CRB3: variants seen among roughly 807,000 people sequenced by gnomAD.
CRB3 encodes crumbs cell polarity complex component 3.
In CRB3, 4 loss-of-function variants were observed where a neutral mutation model predicts 10.4. That is an observed-to-expected ratio of 0.39 (90% CI 0.19 to 0.88). The LOEUF is 0.88. Ranked by LOEUF, CRB3 falls within the 40% of genes least tolerant of loss-of-function variation. The pLI is 0.39. For synonymous variants in CRB3, 74 were observed against 73.4 expected (o/e 1.01, Z -0.04); for missense variants, 154 against 160.2 (o/e 0.96, Z 0.21).
intron 3 of CRB3, 127 bp downstream of exon 3, chr19:6,465,745 C>A: frequency 1.2e-6 from 1 of 810,354 alleles, no homozygotes. Context: ...CTTTGGAGAG[C>A]TCTAAGTAGG....
Position 6,466,560 on chromosome 19 carries a change from G to C in CRB3, c.251G>C (p.Arg84Pro). ...VGLALLVRKL[R>P]EKRQTEGTYR... ...CTGGCACTGTTGGTGCGGAAGCTTC[G>C]GGAGAAGCGGCAGACGGAGGGCACC... is the stretch of plus-strand genomic sequence containing the variant. Residue 84 changes from arginine to proline, a missense_variant, in exon 4 of 4, where the codon CGG (arginine) becomes CCG (proline). By Grantham distance (103) the Arg-to-Pro change is moderately radical. Coordinates refer to ENST00000600229, the MANE Select transcript of CRB3 (RefSeq NM_139161.5). This position sits in a 1 kb window ranked among gnomAD's most constrained non-coding sequence, Gnocchi z 4.9. 1 of 1,612,110 alleles carries C rather than the reference G, an allele frequency of 6.2e-7. No homozygotes were observed. The highest frequency in any genetic ancestry group is 8.5e-7 in the Non-Finnish European group (1 of 1,180,004).
chr19:6,465,968 A>AG (rs1203062771), intron 3 of CRB3, among the ~76,000 whole-genome samples: 1 of 152,072 alleles, frequency 6.6e-6, no homozygotes, highest in Non-Finnish European at 1.5e-5. Context: ...TGGGAGGCCG[A>AG]GGCAGGAAAA....
At position 6,466,360 on chromosome 19, in the gene CRB3, T is replaced by G. The variant is rs2092794228; in HGVS notation, c.157-106T>G. On this transcript the variant is annotated intron_variant, in intron 3 of 3. Coordinates refer to ENST00000600229, the MANE Select transcript of CRB3 (RefSeq NM_139161.5). This position sits in a 1 kb window ranked among gnomAD's most constrained non-coding sequence, Gnocchi z 4.9. ...ACCAAAAGTGGCAGATGTGTGTATG[T>G]GTGTGTGTGTGTTGTGGGGTAGGGG... The G allele has an allele frequency of 3.4e-6, 3 of 885,664 alleles. No individual in the cohort carries two copies. Among genetic ancestry groups the G allele is most frequent in the African/African-American group, 3.3e-5 (2 of 60,614 alleles). 54.9% of individuals were successfully genotyped at this position (885,664 alleles called of 1,614,324 possible).
chr19:6,466,617 C>T lies in CRB3; in HGVS notation c.308C>T (p.Ala103Val), dbSNP rs2092795899. The part of the protein sequence containing the change: ...YRPSSEEQVG[A>V]RVPPTPNLKL... ...CCCAGTAGCGAGGAGCAGGTGGGTG[C>T]CCGCGTGCCACCGACCCCCAACCTC... Residue 103 changes from alanine (A) to valine (V), a missense_variant, in exon 4 of 4, where the codon GCC becomes GTC. Transcript: ENST00000600229. The surrounding 1 kb of genome is among the most constrained non-coding windows in gnomAD (Gnocchi z 4.9). 1 of 1,604,976 alleles carries T rather than the reference C, an allele frequency of 6.2e-7. No homozygotes were observed. The highest frequency in any genetic ancestry group is 1.3e-5 in the African/African-American group (1 of 74,992).
At chr19:6,465,919 G>A (rs1261348241) in intron 3 of CRB3, among the ~76,000 whole-genome samples, 1 of 152,202 alleles carries the variant, frequency 6.6e-6, no homozygotes, top group Non-Finnish European at 1.5e-5. Context: ...CAGGAGTCCC[G>A]GCCGGGCGCG....
chr19:6,465,224 G>C lies in CRB3; in HGVS notation c.83-321G>C, dbSNP rs2092788379. 1.9e-5 allele frequency: 7 copies of C among 364,354 alleles called. No individual in the cohort carries two copies. In the South Asian group the frequency reaches 3.6e-4, roughly 19 times the overall value. 22.6% of individuals were successfully genotyped at this position (364,354 alleles called of 1,614,324 possible). Reference sequence around the variant, plus strand: ...GTTTTGGGAGCCTGTGGGGAGGTGTGAGTCAGACACTCCAGGGAAAAGCTA... The same window carrying C: ...GTTTTGGGAGCCTGTGGGGAGGTGTCAGTCAGACACTCCAGGGAAAAGCTA... On this transcript the variant is annotated intron_variant, in intron 2 of 3. Transcript: ENST00000600229.
At position 6,464,451 on chromosome 19, in the gene CRB3, A is replaced by G. The variant is rs927207422; in HGVS notation, c.-95+101A>G. On this transcript the variant is annotated intron_variant, in intron 1 of 3. Coordinates refer to ENST00000600229, the MANE Select transcript of CRB3 (RefSeq NM_139161.5). The surrounding 1 kb of genome is among the most constrained non-coding windows in gnomAD (Gnocchi z 5.3). ...TCCCCTTCCTTTCCCCAGCCCAGGA[A>G]CGCGCTCCTGGGAGTTAATCTTTAA... 1.9e-5 allele frequency: 7 copies of G among 360,476 alleles called. No individual in the cohort carries two copies. Among genetic ancestry groups the G allele is most frequent in the African/African-American group, 1.5e-4 (7 of 47,564 alleles). 22.3% of individuals were successfully genotyped at this position (360,476 alleles called of 1,614,324 possible).
In CRB3 at chr19:6,466,496, GTCT is replaced by G; in HGVS notation, c.191_193del (p.Phe64del). On this transcript the variant is annotated inframe_deletion, in exon 4 of 4. Coordinates refer to ENST00000600229, the MANE Select transcript of CRB3 (RefSeq NM_139161.5). The surrounding 1 kb of genome is among the most constrained non-coding windows in gnomAD (Gnocchi z 4.9). ...AGAAGCCATCACTGCTATCATCGTG[GTCT>G]TCTCCCTCTTGGCTGCCTTGCTCCT... The G allele has an allele frequency of 6.2e-7, 1 of 1,613,776 alleles. No individual in the cohort carries two copies. Among genetic ancestry groups the G allele is most frequent in the Non-Finnish European group, 8.5e-7 (1 of 1,180,000 alleles).
Position 6,466,900 on chromosome 19 carries a change from CT to C in CRB3, c.*232del. The C allele has an allele frequency of 6.3e-7, 1 of 1,597,412 alleles. No individual in the cohort carries two copies. The highest frequency in any genetic ancestry group is 8.5e-7 in the Non-Finnish European group (1 of 1,171,008). On this transcript the variant is annotated 3_prime_UTR_variant, in exon 4 of 4. Coordinates refer to ENST00000600229, the MANE Select transcript of CRB3 (RefSeq NM_139161.5). The surrounding 1 kb of genome is among the most constrained non-coding windows in gnomAD (Gnocchi z 4.9). ...CCCACCCCCCTGCTTGCGGAACCAACTTTTCTCTGTGTGTCCAGCAGGCCCC... is the reference window on the plus strand; with the variant it reads ...CCCACCCCCCTGCTTGCGGAACCAACTTTCTCTGTGTGTCCAGCAGGCCCC...
At position 6,467,177 on chromosome 19, in the gene CRB3, C is replaced by T; in HGVS notation, c.*505C>T. On this transcript the variant is annotated 3_prime_UTR_variant, in exon 4 of 4. Transcript: ENST00000600229. Reference sequence around the variant, plus strand: ...GAGGTCAAGAGAGGATGGGGCTATTCACTTTTATATATTTATATAAAATTA... The same window carrying T: ...GAGGTCAAGAGAGGATGGGGCTATTTACTTTTATATATTTATATAAAATTA... 1 of 605,548 alleles carries T rather than the reference C, an allele frequency of 1.7e-6. No homozygotes were observed. The highest frequency in any genetic ancestry group is 2.8e-6 in the Non-Finnish European group (1 of 358,188). 37.5% of individuals were successfully genotyped at this position (605,548 alleles called of 1,614,324 possible).
Position 6,464,683 on chromosome 19 carries a change from C to A in CRB3, c.-19C>A. The A allele has an allele frequency of 8.1e-7, 1 of 1,232,476 alleles. No individual in the cohort carries two copies. The highest frequency in any genetic ancestry group is 1.0e-6 in the Non-Finnish European group (1 of 987,192). The allele number at this position is 1,232,476 out of a possible 1,614,324, so 76.3% of individuals were successfully genotyped here. On this transcript the variant is annotated 5_prime_UTR_variant, in exon 2 of 4. Transcript: ENST00000600229. This position sits in a 1 kb window ranked among gnomAD's most constrained non-coding sequence, Gnocchi z 5.3. Reference sequence around the variant, plus strand: ...GCGAGAAGCCCCTTCCTCGGCGCTGCCAACCCGCCACCCAGCCCATGGCGA... The same window carrying A: ...GCGAGAAGCCCCTTCCTCGGCGCTGACAACCCGCCACCCAGCCCATGGCGA...
At chr19:6,465,736 T>A in intron 3 of CRB3, 118 bp downstream of exon 3, 1 of 863,928 alleles carries the variant, frequency 1.2e-6, no homozygotes, top group South Asian at 1.4e-5. Flanking sequence ...TCAGGGTGGC[T>A]TTGGAGAGCT....
chr19:6,465,269 G>T, intron 2 of CRB3: 1 of 454,758 alleles, frequency 2.2e-6, no homozygotes, highest in Non-Finnish European at 4.0e-6. Flanking sequence ...AGATCCTTAA[G>T]GGCCCAGGGC....
In CRB3 at chr19:6,465,007, C is replaced by G. The variant is rs563780154; in HGVS notation, c.82+224C>G. 2.4e-5 allele frequency: 9 copies of G among 382,414 alleles called. No individual in the cohort carries two copies. In the East Asian group the frequency reaches 3.4e-4, roughly 14 times the overall value. The allele number at this position is 382,414 out of a possible 1,614,324, so 23.7% of individuals were successfully genotyped here. A position where few individuals can be genotyped will look rare whatever the true frequency, so the allele number is the denominator to read the frequency against. On this transcript the variant is annotated intron_variant, in intron 2 of 3. Coordinates refer to ENST00000600229, the MANE Select transcript of CRB3 (RefSeq NM_139161.5). Reference sequence around the variant, plus strand: ...GGAGTTGGTCTAGGAGACCTGAGTTCCCCAGCGAGGTGGAATTGTGTGTTG... The same window carrying G: ...GGAGTTGGTCTAGGAGACCTGAGTTGCCCAGCGAGGTGGAATTGTGTGTTG...
At chr19:6,465,017 G>A in intron 2 of CRB3, 1 of 378,574 alleles carries the variant, frequency 2.6e-6, no homozygotes. Flanking sequence ...CCCCAGCGAG[G>A]TGGAATTGTG....
chr19:6,465,279 C>A, intron 2 of CRB3: 1 of 492,964 alleles, frequency 2.0e-6, no homozygotes, highest in Non-Finnish European at 3.7e-6. Flanking sequence ...GGGCCCAGGG[C>A]CGAGAGGTGA....
rs571598290 is a variant in CRB3, at chr19:6,466,280, G to A, written c.157-186G>A. ...ACATGGCAGGTGGTGGGGAGCCTTC[G>A]CACCCCAGACAAGGTAGGTAGGGAT... On this transcript the variant is annotated intron_variant, in intron 3 of 3. Coordinates refer to ENST00000600229, the MANE Select transcript of CRB3 (RefSeq NM_139161.5). The surrounding 1 kb of genome is among the most constrained non-coding windows in gnomAD (Gnocchi z 4.9). Among the ~76,000 whole-genome samples the A allele has an allele frequency of 6.6e-5, 10 of 152,030 alleles. No individual in the cohort carries two copies. Among genetic ancestry groups the A allele is most frequent in the South Asian group, 2.1e-4 (1 of 4,808 alleles).
intron 2 of CRB3, chr19:6,465,021 A>C: frequency 2.8e-6 from 1 of 360,576 alleles, no homozygotes; most frequent in Non-Finnish European, 4.9e-6. Flanking sequence ...AGCGAGGTGG[A>C]ATTGTGTGTT....
Position 6,464,874 on chromosome 19 carries a change from C to A in CRB3, c.82+91C>A. ...GCTTAGAAGCGCTGGGTATCTGGGG[C>A]GCAGAGAGGGTCAAGAATTGGGGAG... On this transcript the variant is annotated intron_variant, in intron 2 of 3. Coordinates refer to ENST00000600229, the MANE Select transcript of CRB3 (RefSeq NM_139161.5). This position sits in a 1 kb window ranked among gnomAD's most constrained non-coding sequence, Gnocchi z 5.3. 2 of 719,674 alleles carry A rather than the reference C, an allele frequency of 2.8e-6. No individual in the cohort carries two copies. Among genetic ancestry groups the A allele is most frequent in the Non-Finnish European group, 3.9e-6 (2 of 518,952 alleles). 44.6% of individuals were successfully genotyped at this position (719,674 alleles called of 1,614,324 possible). A position where few individuals can be genotyped will look rare whatever the true frequency, so the allele number is the denominator to read the frequency against.
Sources: allele counts gnomAD v4.1 joint callset (sites outside exome capture counted in the v4.1 genomes callset), GRCh38; gene constraint gnomAD v4.1.1; non-coding constraint Gnocchi (gnomAD v3.1); transcripts MANE v1.5; gene names NCBI Gene and HGNC (gene_info 2026-07-23, HGNC 2026-07-21).